The following IQSEC1 variants were observed in gnomAD, a reference collection of about 807,000 sequenced individuals.
IQSEC1 encodes IQ motif and SEC7 domain-containing protein 1.
Under a neutral mutation model 91.0 loss-of-function variants are expected in IQSEC1, and 31 were observed. The observed-to-expected ratio is 0.34, with a 90% CI of 0.26 to 0.46. The LOEUF (loss-of-function observed/expected upper bound fraction) is 0.46, where lower values mean the gene tolerates loss of function less well. IQSEC1 is among the 20% of genes least tolerant of loss of function. IQSEC1 has a pLI of 1.00. For missense variants in IQSEC1, 1,388 were observed against 1,575.6 expected, an observed-to-expected ratio of 0.88 and a Z score of 2.02; for synonymous variants, 699 against 662.6, an observed-to-expected ratio of 1.05 and a Z score of -0.84.
At position 12,922,128 on chromosome 3, in the gene IQSEC1, C is replaced by T. The variant is rs1486943213; in HGVS notation, c.1845G>A (p.Glu615=). 6.2e-6 allele frequency: 10 copies of T among 1,603,640 alleles called. No individual in the cohort carries two copies. The highest frequency in any genetic ancestry group is 8.5e-6 in the Non-Finnish European group (10 of 1,173,116). ...GEAQKVERLI[E]AFSQRYCICN... ...GCCAGCCCGGGCCCCACCTGAACGC[C>T]TCTATGAGCCGCTCCACTTTCTGAG... Residue 615 remains glutamate, a synonymous_variant, in exon 5 of 14, where the codon GAG becomes GAA. Transcript: ENST00000613206. This position sits in a 1 kb window ranked among gnomAD's most constrained non-coding sequence, Gnocchi z 5.1.
chr3:13,118,531 T>C (rs1706372564), intron 2 of IQSEC1, among the ~76,000 whole-genome samples: 1 of 152,320 alleles, frequency 6.6e-6, no homozygotes, highest in South Asian at 2.1e-4. Context: ...CTTGAGGACA[T>C]TGTGCTAAGT....
At chr3:13,051,936 T>C (rs1704706343) in intron 1 of IQSEC1, among the ~76,000 whole-genome samples, 1 of 152,112 alleles carries the variant, frequency 6.6e-6, no homozygotes. Flanking sequence ...GAAATAACCA[T>C]AGATGTACAG....
At chr3:12,905,662 C>G (rs555612394) in intron 12 of IQSEC1, among the ~76,000 whole-genome samples, 65 of 152,342 alleles carry the variant, frequency 4.3e-4, no homozygotes, top group African/African-American at 1.6e-3. Flanking sequence ...GAAGCACCAC[C>G]CTCTCTGGGC....
chr3:13,184,579 C>G (rs1306921982), intron 1 of IQSEC1, among the ~76,000 whole-genome samples: 2 of 152,250 alleles, frequency 1.3e-5, no homozygotes, highest in East Asian at 1.9e-4. Flanking sequence ...TCTAACGTCA[C>G]CCCACAGGTC....
intron 2 of IQSEC1, among the ~76,000 whole-genome samples, chr3:13,083,166 A>G (rs1428655128): frequency 6.6e-6 from 1 of 152,216 alleles, no homozygotes; most frequent in Non-Finnish European, 1.5e-5. Context: ...CAGGTGCTCA[A>G]TTAATGCCCG....
chr3:12,945,525 C>T (rs1699123349), intron 1 of IQSEC1, among the ~76,000 whole-genome samples: 1 of 141,150 alleles, frequency 7.1e-6, no homozygotes, highest in Non-Finnish European at 1.5e-5. Flanking sequence ...AGCCCTTCCA[C>T]ACTCCAAAAA....
chr3:13,102,371 G>A (rs975759823), intron 2 of IQSEC1, among the ~76,000 whole-genome samples: 5 of 152,088 alleles, frequency 3.3e-5, no homozygotes, highest in Non-Finnish European at 7.4e-5. Flanking sequence ...GCTGGGGAGC[G>A]GAGGCCTGGG....
chr3:13,242,041 G>A (rs150684226), intron 1 of IQSEC1, among the ~76,000 whole-genome samples: 3 of 152,176 alleles, frequency 2.0e-5, no homozygotes, highest in African/African-American at 7.2e-5. Context: ...GTGTATGTGT[G>A]CATATATATT....
Position 12,900,451 on chromosome 3 carries a change from G to GCATA in IQSEC1, c.*531_*532insTATG. 1 of 701,386 alleles carries GCATA rather than the reference G, an allele frequency of 1.4e-6. No homozygotes were observed. Among genetic ancestry groups the GCATA allele is most frequent in the Non-Finnish European group, 1.7e-6 (1 of 574,566 alleles). The allele number at this position is 701,386 out of a possible 1,614,324, so 43.4% of individuals were successfully genotyped here. ...TTCACACACAAGTACTACCTATACA[G>GCATA]TATATATATATATATATTTATATAT... On this transcript the variant is annotated 3_prime_UTR_variant, in exon 14 of 14. Transcript: ENST00000613206.
upstream of IQSEC1, among the ~76,000 whole-genome samples, chr3:13,075,067 T>A (rs749279658): frequency 7.9e-5 from 12 of 152,210 alleles, no homozygotes; most frequent in Non-Finnish European, 1.6e-4. Flanking sequence ...TCCATATGCA[T>A]GACCAATCTT....
rs78924680 is a variant in IQSEC1 at position 13,026,828 on chromosome 3, C to T, written c.23+46164G>A. Among the ~76,000 whole-genome samples the T allele has an allele frequency of 9.6e-3, 1,403 of 146,094 alleles. 22 individuals carry two copies. The highest frequency in any genetic ancestry group is 0.033 in the African/African-American group (1,312 of 39,548). ...GATCTATGTAGCTTAGTTCTTTGCA[C>T]AATCACCCTATGAAGTAGCAGTTAT... On this transcript the variant is annotated intron_variant, in intron 1 of 13. Transcript: ENST00000613206.
chr3:13,110,299 A>G (rs1706221925), intron 2 of IQSEC1, among the ~76,000 whole-genome samples: 1 of 152,152 alleles, frequency 6.6e-6, no homozygotes, highest in Non-Finnish European at 1.5e-5. Flanking sequence ...TTTTGTAGTT[A>G]AAGAAACCCG....
intron 2 of IQSEC1, among the ~76,000 whole-genome samples, chr3:13,095,278 C>T (rs186891066): frequency 7.6e-4 from 116 of 152,152 alleles, no homozygotes; most frequent in African/African-American, 2.6e-3. Context: ...CCCCGACCCC[C>T]ACCTCCCAGG....
intron 1 of IQSEC1, among the ~76,000 whole-genome samples, chr3:13,071,735 G>T (rs1198492538): frequency 2.0e-5 from 3 of 151,804 alleles, no homozygotes; most frequent in Non-Finnish European, 4.4e-5. Context: ...AGAGGCCACC[G>T]CCATCCCCCA....
intron 1 of IQSEC1, among the ~76,000 whole-genome samples, chr3:13,178,835 CT>C (rs918511037): frequency 6.6e-6 from 1 of 152,186 alleles, no homozygotes; most frequent in African/African-American, 2.4e-5. Flanking sequence ...ATAGACTGTT[CT>C]TTTTTATAAA....
At chr3:12,997,015 A>C (rs1220657831) in intron 1 of IQSEC1, among the ~76,000 whole-genome samples, 1 of 152,214 alleles carries the variant, frequency 6.6e-6, no homozygotes, top group East Asian at 1.9e-4. Flanking sequence ...CTAATATAAA[A>C]ATACAAGGAC....
chr3:12,975,956 C>T (rs915279173), intron 1 of IQSEC1, among the ~76,000 whole-genome samples: 1 of 152,274 alleles, frequency 6.6e-6, no homozygotes, highest in African/African-American at 2.4e-5. Context: ...CCCCCAACGG[C>T]TGCAGAGGCA....
intron 1 of IQSEC1, among the ~76,000 whole-genome samples, chr3:13,181,188 G>A (rs528210414): frequency 5.3e-5 from 8 of 152,292 alleles, no homozygotes; most frequent in South Asian, 2.1e-4. Context: ...GGAGAATGGC[G>A]CAAACTCGGG....
At position 12,901,078 on chromosome 3, in the gene IQSEC1, C is replaced by T. The variant is rs199524243; in HGVS notation, c.3250G>A (p.Val1084Met). 1,719 of 1,515,734 alleles carry T rather than the reference C, an allele frequency of 1.1e-3. 15 individuals are homozygous for T. In the African/African-American group the frequency reaches 0.021, roughly 19 times the overall value. The allele number at this position is 1,515,734 out of a possible 1,614,324, so 93.9% of individuals were successfully genotyped here. ...HGHPPLPSAH[V>M]GHTVHHHGQP... The stretch of plus-strand genomic sequence containing the variant: ...CCATGGTGGTGCACTGTGTGCCCCA[C>T]GTGGGCCGAGGGCAGCGGCGGGTGG... The change falls in exon 14 of 14, where the codon GTG becomes ATG. Residue 1084 changes from valine (V) to methionine (M), a missense_variant. Physicochemically the swap from Val to Met is conservative, Grantham distance 21. This residue lies in a region of IQSEC1 where 329 missense variants were observed against 257.8 expected (regional missense o/e 1.28). Transcript: ENST00000613206.
Sources: allele counts gnomAD v4.1 joint callset (sites outside exome capture counted in the v4.1 genomes callset), GRCh38; gene constraint gnomAD v4.1.1; regional missense constraint gnomAD v4.1.1; non-coding constraint Gnocchi (gnomAD v3.1); transcripts MANE v1.5; gene names NCBI Gene and HGNC (gene_info 2026-07-23, HGNC 2026-07-21).